The following WDR72 variants were observed in gnomAD, a reference collection of about 807,000 sequenced individuals.
The protein encoded by WDR72 is WD repeat domain 72.
A neutral mutation model predicts 124.2 loss-of-function variants in WDR72; 120 were observed. The ratio of observed to expected loss-of-function variants is 0.97; its 90% CI spans 0.83 to 1.12. WDR72 has a LOEUF of 1.12. Ranked by LOEUF, WDR72 falls within the 50% of genes most tolerant of loss-of-function variation. The probability of loss-of-function intolerance (pLI) is 0.00; values close to 1 mark genes in which losing one functional copy is unlikely to be tolerated. For synonymous variants in WDR72, 452 were observed against 441.7 expected (o/e 1.02, Z -0.29); for missense variants, 1,387 against 1,278.8 (o/e 1.08, Z -1.29).
intron 13 of WDR72, among the ~76,000 whole-genome samples, chr15:53,667,973 A>G (rs1168459675): frequency 1.3e-5 from 2 of 152,152 alleles, no homozygotes; most frequent in Non-Finnish European, 1.5e-5. Flanking sequence ...CTGAGCATCT[A>G]CTATGCTACC....
At position 53,607,500 on chromosome 15, in the gene WDR72, G is replaced by A. The variant is rs28651639; in HGVS notation, c.2952+2013C>T. 5.5e-3 allele frequency among the ~76,000 whole-genome samples: 836 copies of A among 152,134 alleles called. 8 individuals carry two copies. Among genetic ancestry groups the A allele is most frequent in the African/African-American group, 0.02 (813 of 41,504 alleles). On this transcript the variant is annotated intron_variant, in intron 17 of 19. Transcript: ENST00000360509. ...TGAAACTAGACCCCTATCTCTTACCGTATACAAAAGTCAAATCAAAATGGA... is the reference window on the plus strand; with the variant it reads ...TGAAACTAGACCCCTATCTCTTACCATATACAAAAGTCAAATCAAAATGGA...
intron 18 of WDR72, among the ~76,000 whole-genome samples, chr15:53,541,366 C>A (rs553366467): frequency 5.3e-5 from 8 of 151,978 alleles, no homozygotes; most frequent in African/African-American, 1.9e-4. Context: ...CTGGGAGGCA[C>A]CCCCCAGCAG....
chr15:53,762,234 C>T (rs2019074460), upstream of WDR72, among the ~76,000 whole-genome samples: 2 of 152,164 alleles, frequency 1.3e-5, no homozygotes, highest in South Asian at 2.1e-4. Flanking sequence ...TATCCTGGGT[C>T]TTCCTGCATG....
At position 53,545,812 on chromosome 15, in the gene WDR72, T is replaced by C. The variant is rs377691434; in HGVS notation, c.3149-22490A>G. ...AATCTACAATGAACTCAAACAAATT[T>C]ACAAGAAAAAAACAAACAACCCCAT... On this transcript the variant is annotated intron_variant, in intron 18 of 19. Coordinates refer to ENST00000360509, the MANE Select transcript of WDR72 (RefSeq NM_182758.4). Among the ~76,000 whole-genome samples, 21 of 126,926 alleles carry C rather than the reference T, an allele frequency of 1.7e-4. No homozygotes were observed. In the East Asian group the frequency reaches 4.4e-3, roughly 26 times the overall value. 83.3% of individuals were successfully genotyped at this position (126,926 alleles called of 152,430 possible).
chr15:53,527,330 G>T (rs1006773135), intron 18 of WDR72, among the ~76,000 whole-genome samples: 1 of 151,964 alleles, frequency 6.6e-6, no homozygotes, highest in African/African-American at 2.4e-5. Context: ...CTCACTTGCA[G>T]AAAGATGGTA....
At chr15:53,617,203 A>C (rs2013801854) in intron 14 of WDR72, among the ~76,000 whole-genome samples, 1 of 151,874 alleles carries the variant, frequency 6.6e-6, no homozygotes, top group Non-Finnish European at 1.5e-5. Flanking sequence ...TTTACGTACA[A>C]ATATATAGGT....
Position 53,715,392 on chromosome 15 carries a change from A to C in WDR72, c.340-25T>G, listed in dbSNP as rs754539946. ...ACTACGTACATGGAAAGCAAAGCAAACATTTAATTATCACTAAAATTAACA... is the reference window on the plus strand; with the variant it reads ...ACTACGTACATGGAAAGCAAAGCAACCATTTAATTATCACTAAAATTAACA... On this transcript the variant is annotated intron_variant, in intron 4 of 19. Transcript: ENST00000360509. 15 of 1,613,476 alleles carry C rather than the reference A, an allele frequency of 9.3e-6. No individual in the cohort carries two copies. The East Asian group carries it at 3.1e-4, about 34-fold the overall frequency.
At chr15:53,683,342 G>T (rs1042501798) in intron 13 of WDR72, among the ~76,000 whole-genome samples, 1 of 152,082 alleles carries the variant, frequency 6.6e-6, no homozygotes, top group African/African-American at 2.4e-5. Flanking sequence ...GAGATAATCT[G>T]ATTGTTCCCA....
intron 17 of WDR72, among the ~76,000 whole-genome samples, chr15:53,607,164 A>G (rs1442159366): frequency 6.6e-6 from 1 of 152,166 alleles, no homozygotes; most frequent in Non-Finnish European, 1.5e-5. Flanking sequence ...TTTTGAGACC[A>G]AAAGTAGCCT....
At chr15:53,631,136 C>T (rs979776689) in intron 14 of WDR72, among the ~76,000 whole-genome samples, 5 of 152,198 alleles carry the variant, frequency 3.3e-5, no homozygotes, top group East Asian at 1.9e-4. Flanking sequence ...GATTGGATCA[C>T]GGGGGCAGTT....
At chr15:53,582,779 AT>A (rs927729256) in intron 18 of WDR72, among the ~76,000 whole-genome samples, 2 of 151,970 alleles carry the variant, frequency 1.3e-5, no homozygotes, top group Non-Finnish European at 2.9e-5. Context: ...TGCAATGACT[AT>A]TTTCAATTTA....
At chr15:53,734,940 G>T (rs557255206) in intron 1 of WDR72, among the ~76,000 whole-genome samples, 5 of 152,068 alleles carry the variant, frequency 3.3e-5, no homozygotes, top group South Asian at 2.1e-4. Flanking sequence ...ATACTATTGG[G>T]AGGCTTGTCA....
chr15:53,540,440 C>T (rs1025869878), intron 18 of WDR72, among the ~76,000 whole-genome samples: 3 of 152,084 alleles, frequency 2.0e-5, no homozygotes, highest in Non-Finnish European at 2.9e-5. Flanking sequence ...GAAATTAGAT[C>T]GTTCCACCTG....
At chr15:53,603,575 A>G (rs72745171) in intron 17 of WDR72, among the ~76,000 whole-genome samples, 23,817 of 152,120 alleles carry the variant, frequency 0.16, 2,488 homozygotes, top group Admixed American at 0.29. Flanking sequence ...ATGATCCTCT[A>G]TCTAGAAAAG....
Position 53,705,140 on chromosome 15 carries a change from T to C in WDR72, c.1196A>G (p.Lys399Arg). ...QSIIDYFSGL[K>R]DGAGTAVVTS... ...GACTACAGCAGTTCCTGCCCCATCT[T>C]TAAGCCCAGAGAAATAGTCAATAAT... Residue 399 changes from lysine to arginine, a missense_variant, in exon 11 of 20, where the codon AAA (lysine) becomes AGA (arginine). Transcript: ENST00000360509. 6.2e-7 allele frequency: 1 copy of C among 1,614,158 alleles called. No individual in the cohort carries two copies. The highest frequency in any genetic ancestry group is 8.5e-7 in the Non-Finnish European group (1 of 1,180,028).
chr15:53,618,143 A>AT (rs562460917), intron 14 of WDR72, among the ~76,000 whole-genome samples: 7 of 151,918 alleles, frequency 4.6e-5, no homozygotes, highest in Non-Finnish European at 7.4e-5. Context: ...ATATGCCCTG[A>AT]TTTTTTTTAC....
At chr15:53,672,611 T>C (rs2016035719) in intron 13 of WDR72, among the ~76,000 whole-genome samples, 1 of 152,166 alleles carries the variant, frequency 6.6e-6, no homozygotes. Flanking sequence ...GTGTGAAGGA[T>C]GCAGCCTTCA....
intron 13 of WDR72, among the ~76,000 whole-genome samples, chr15:53,691,340 C>T (rs2140503729): frequency 6.6e-6 from 1 of 152,296 alleles, no homozygotes; most frequent in Admixed American, 6.5e-5. Flanking sequence ...CATGAGCCAC[C>T]TTGTCCAGCC....
rs143084949 is a variant in WDR72 at position 53,726,285 on chromosome 15, T to TAC, written c.154-3379_154-3378dup. Among the ~76,000 whole-genome samples the TAC allele has an allele frequency of 4.4e-4, 51 of 115,466 alleles. 1 individual carries two copies. Among genetic ancestry groups the TAC allele is most frequent in the South Asian group, 4.3e-3 (15 of 3,470 alleles). The allele number at this position is 115,466 out of a possible 152,430, so 75.8% of individuals were successfully genotyped here. Reference sequence around the variant, plus strand: ...GTGTGTATATATATATATATATATATACACACACACACTGCTCTAGTGTGG... The same window carrying TAC: ...GTGTGTATATATATATATATATATATACACACACACACACTGCTCTAGTGTGG... On this transcript the variant is annotated intron_variant, in intron 2 of 19. Coordinates refer to ENST00000360509, the MANE Select transcript of WDR72 (RefSeq NM_182758.4).
Sources: allele counts gnomAD v4.1 joint callset (sites outside exome capture counted in the v4.1 genomes callset), GRCh38; gene constraint gnomAD v4.1.1; transcripts MANE v1.5; gene names NCBI Gene and HGNC (gene_info 2026-07-23, HGNC 2026-07-21).